PITPNM2: variants seen among roughly 807,000 people sequenced by gnomAD.
PITPNM2 encodes membrane-associated phosphatidylinositol transfer protein 2.
In PITPNM2, 35 loss-of-function variants were observed where a neutral mutation model predicts 132.2. The observed-to-expected ratio is 0.26, with a 90% CI of 0.20 to 0.35. The LOEUF is 0.35. Ranked by LOEUF, PITPNM2 falls within the 10% of genes least tolerant of loss-of-function variation. The pLI is 1.00. For missense variants in PITPNM2, 1,332 were observed against 1,912.0 expected (o/e 0.70, Z 5.66); for synonymous variants, 738 against 799.2 (o/e 0.92, Z 1.29).
chr12:123,005,561 G>C lies in PITPNM2; in HGVS notation c.644-13C>G. 1 of 1,608,984 alleles carries C rather than the reference G, an allele frequency of 6.2e-7. No individual in the cohort carries two copies. The highest frequency in any genetic ancestry group is 2.2e-5 in the East Asian group (1 of 44,772). Reference sequence around the variant, plus strand: ...ACCCTCCGTAGTCCTGTGCCCCATGGGGATCAGAGAGGGAGAGACGAGGGG... The same window carrying C: ...ACCCTCCGTAGTCCTGTGCCCCATGCGGATCAGAGAGGGAGAGACGAGGGG... On this transcript the variant is annotated splice_polypyrimidine_tract_variant and intron_variant, in intron 6 of 25. Transcript: ENST00000320201. This position sits in a 1 kb window ranked among gnomAD's most constrained non-coding sequence, Gnocchi z 6.2.
chr12:123,072,927 A>G (rs1337442584), intron 2 of PITPNM2, among the ~76,000 whole-genome samples: 2 of 152,354 alleles, frequency 1.3e-5, no homozygotes, highest in Admixed American at 1.3e-4. Flanking sequence ...CGGAGCCCCA[A>G]CAGGGATCAG....
At chr12:123,053,085 A>G (rs1000505709) in intron 2 of PITPNM2, among the ~76,000 whole-genome samples, 8 of 151,916 alleles carry the variant, frequency 5.3e-5, no homozygotes, top group Non-Finnish European at 8.8e-5. Context: ...GGGTCTCCCT[A>G]TGTTGCAAGG....
chr12:123,094,772 G>T (rs1157159669), intron 2 of PITPNM2, among the ~76,000 whole-genome samples: 2 of 152,126 alleles, frequency 1.3e-5, no homozygotes, highest in Non-Finnish European at 2.9e-5. Flanking sequence ...GGCAGGGAAG[G>T]CCAGGTTCCC....
intron 3 of PITPNM2, 83 bp from the exon 4 acceptor site, chr12:123,014,125 G>T: frequency 6.9e-7 from 1 of 1,439,372 alleles, no homozygotes. Context: ...TGGGCCCAGG[G>T]GTGTGGAAAG....
chr12:122,988,498 C>T (rs2038036754), intron 19 of PITPNM2, 148 bp from the exon 20 acceptor site: 1 of 802,658 alleles, frequency 1.2e-6, no homozygotes, highest in Non-Finnish European at 2.0e-6. Context: ...CCCAGTAGCC[C>T]TCAGACCCCT....
chr12:123,068,194 A>ACGGCCGGGCG (rs141138502), intron 2 of PITPNM2, among the ~76,000 whole-genome samples: 127,386 of 151,700 alleles, frequency 0.84, 53,690 homozygotes, highest in Middle Eastern at 0.91. Context: ...ACGGCCGGGC[A>ACGGCCGGGCG]CGGTGGCTCA....
At chr12:122,997,145 T>C (rs2038465442) in intron 11 of PITPNM2, among the ~76,000 whole-genome samples, 180 bp downstream of exon 11, 1 of 152,236 alleles carries the variant, frequency 6.6e-6, no homozygotes, top group East Asian at 1.9e-4. Flanking sequence ...GGCCCAGGCC[T>C]CCTGGGACTC....
chr12:123,098,042 T>C (rs1348088636), intron 2 of PITPNM2, among the ~76,000 whole-genome samples: 1 of 152,110 alleles, frequency 6.6e-6, no homozygotes, highest in Non-Finnish European at 1.5e-5. Context: ...GAGCAGACAG[T>C]CCAGAGAAAG....
At chr12:123,144,817 G>A (rs560328184) in intron 1 of PITPNM2, among the ~76,000 whole-genome samples, 28 of 152,228 alleles carry the variant, frequency 1.8e-4, no homozygotes, top group East Asian at 3.9e-4. Flanking sequence ...CACCCGCCTC[G>A]GCCTCCCAAA....
intron 2 of PITPNM2, chr12:123,091,438 A>C (rs2042265049): frequency 1.3e-5 from 2 of 152,240 alleles, no homozygotes; most frequent in Admixed American, 6.5e-5. Flanking sequence ...AGGGAAGAAG[A>C]ACTGATTAAG....
Position 123,115,233 on chromosome 12 carries a change from C to T in PITPNM2, c.-199-4745G>A, listed in dbSNP as rs1286435629. ...TTATTTTATGACCCTACTCCCCCTC[C>T]CTTCCATCTTCTTCAACAAACACTG... is the stretch of plus-strand genomic sequence containing the variant. On this transcript the variant is annotated intron_variant, in intron 1 of 25. Transcript: ENST00000320201. 2.6e-5 allele frequency among the ~76,000 whole-genome samples: 4 copies of T among 152,306 alleles called. No individual in the cohort carries two copies. In the East Asian group the frequency reaches 5.8e-4, roughly 22 times the overall value.
intron 3 of PITPNM2, among the ~76,000 whole-genome samples, chr12:123,020,763 C>T (rs1259641916): frequency 6.6e-6 from 1 of 152,098 alleles, no homozygotes; most frequent in Non-Finnish European, 1.5e-5. Flanking sequence ...TGGTTCATGC[C>T]TGTAATCCCA....
In PITPNM2 at chr12:122,989,803, C is replaced by T. The variant is rs201544850; in HGVS notation, c.2715G>A (p.Glu905=). The stretch of plus-strand genomic sequence containing the variant: ...GGGTGGTACCTTCTCCAATGTCCAG[C>T]TCAGGGAGGCCAGGGGCCCTCTCCA... ...PGLERAPGLP[E]LDIGEVAAKW... Residue 905 remains glutamate (E), a synonymous_variant, in exon 18 of 26, where the codon GAG becomes GAA. Coordinates refer to ENST00000320201, the MANE Select transcript of PITPNM2 (RefSeq NM_020845.3). 126 of 1,406,666 alleles carry T rather than the reference C, an allele frequency of 9.0e-5. No individual in the cohort carries two copies. Among genetic ancestry groups the T allele is most frequent in the Non-Finnish European group, 1.1e-4 (118 of 1,076,970 alleles). 87.1% of individuals were successfully genotyped at this position (1,406,666 alleles called of 1,614,324 possible). A position where few individuals can be genotyped will look rare whatever the true frequency, so the allele number is the denominator to read the frequency against.
chr12:123,140,095 G>C (rs1285356208), intron 1 of PITPNM2, among the ~76,000 whole-genome samples: 2 of 152,228 alleles, frequency 1.3e-5, no homozygotes, highest in Admixed American at 1.3e-4. Context: ...GATGGTCTGA[G>C]AAGTTCAAGG....
chr12:123,090,212 G>A (rs1034922951), intron 2 of PITPNM2: 1 of 152,236 alleles, frequency 6.6e-6, no homozygotes, highest in African/African-American at 2.4e-5. Context: ...GTCAACTCAT[G>A]TACGTGACTG....
At chr12:123,096,421 G>A (rs1448005390) in intron 2 of PITPNM2, among the ~76,000 whole-genome samples, 9 of 152,196 alleles carry the variant, frequency 5.9e-5, no homozygotes, top group Non-Finnish European at 1.2e-4. Flanking sequence ...CCAGCTTACC[G>A]ACTTCAATCC....
chr12:123,119,685 T>C (rs1375303713), intron 1 of PITPNM2, among the ~76,000 whole-genome samples: 1 of 152,106 alleles, frequency 6.6e-6, no homozygotes, highest in Non-Finnish European at 1.5e-5. Flanking sequence ...CACACCTAAA[T>C]GAAAATTTCT....
intron 2 of PITPNM2, among the ~76,000 whole-genome samples, chr12:123,079,080 T>C (rs1466965518): frequency 6.6e-6 from 1 of 152,142 alleles, no homozygotes; most frequent in Non-Finnish European, 1.5e-5. Context: ...TGGGGAAGGC[T>C]CAGGGCAGGC....
chr12:123,073,979 C>T (rs1421412127), intron 2 of PITPNM2, among the ~76,000 whole-genome samples: 1 of 152,208 alleles, frequency 6.6e-6, no homozygotes, highest in Non-Finnish European at 1.5e-5. Flanking sequence ...ACTGAGCACC[C>T]GCTGAAGGAC....
Sources: allele counts gnomAD v4.1 joint callset (sites outside exome capture counted in the v4.1 genomes callset), GRCh38; gene constraint gnomAD v4.1.1; non-coding constraint Gnocchi (gnomAD v3.1); transcripts MANE v1.5; gene names NCBI Gene and HGNC (gene_info 2026-07-23, HGNC 2026-07-21).